PPP1R21: variants seen among roughly 807,000 people sequenced by gnomAD.
PPP1R21 encodes the protein protein phosphatase 1 regulatory subunit 21.
In PPP1R21, 85 loss-of-function variants were observed where a neutral mutation model predicts 112.8. The observed-to-expected ratio is 0.75, with a 90% CI of 0.63 to 0.90. PPP1R21 has a LOEUF of 0.90. PPP1R21 is among the 40% of genes least tolerant of loss of function. The pLI is 0.00. For missense variants in PPP1R21, 1,199 were observed against 901.5 expected, an observed-to-expected ratio of 1.33 and a Z score of -4.23; for synonymous variants, 381 against 322.3, an observed-to-expected ratio of 1.18 and a Z score of -1.95.
At chr2:48,465,043 C>A in intron 8 of PPP1R21, 54 bp downstream of exon 8, 1 of 1,397,696 alleles carries the variant, frequency 7.2e-7, no homozygotes, top group Non-Finnish European at 9.8e-7. Context: ...TCAGACTTTC[C>A]AGAAACAAGA....
At chr2:48,469,460 TATATAGAGC>T (rs1339894387) in intron 9 of PPP1R21, among the ~76,000 whole-genome samples, 7 of 40,270 alleles carry the variant, frequency 1.7e-4, no homozygotes, top group East Asian at 4.0e-4. Flanking sequence ...AGCATATATA[TATATAGAGC>T]ATATATATAT....
intron 1 of PPP1R21, among the ~76,000 whole-genome samples, chr2:48,446,997 C>T (rs1027537635): frequency 2.6e-5 from 4 of 152,114 alleles, no homozygotes; most frequent in Non-Finnish European, 4.4e-5. Context: ...GTGATCTGCC[C>T]GCCTCAGCCT....
chr2:48,465,191 C>T (rs1668146451), intron 8 of PPP1R21, among the ~76,000 whole-genome samples: 1 of 152,136 alleles, frequency 6.6e-6, no homozygotes, highest in Non-Finnish European at 1.5e-5. Context: ...TGCTATCTCC[C>T]TTGTCTGATA....
At chr2:48,462,130 A>C (rs775321969) in intron 7 of PPP1R21, among the ~76,000 whole-genome samples, 11 of 152,212 alleles carry the variant, frequency 7.2e-5, no homozygotes, top group Non-Finnish European at 1.6e-4. Flanking sequence ...ATTAGGTTTT[A>C]ATAATTTCCT....
intron 13 of PPP1R21, among the ~76,000 whole-genome samples, chr2:48,480,874 G>A (rs542545669): frequency 8.5e-5 from 13 of 152,272 alleles, no homozygotes; most frequent in African/African-American, 2.9e-4. Context: ...CATATATTGG[G>A]GGACCTAATC....
At chr2:48,468,455 G>C (rs1393058959) in intron 9 of PPP1R21, among the ~76,000 whole-genome samples, 1 of 152,130 alleles carries the variant, frequency 6.6e-6, no homozygotes, top group Non-Finnish European at 1.5e-5. Flanking sequence ...GATCTGGATA[G>C]GGAAGACAGT....
chr2:48,501,159 G>C (rs1670094634), intron 17 of PPP1R21, among the ~76,000 whole-genome samples: 1 of 152,240 alleles, frequency 6.6e-6, no homozygotes, highest in Non-Finnish European at 1.5e-5. Context: ...GAGGTAATGA[G>C]AGGGACATTC....
chr2:48,471,308 A>G lies in PPP1R21; in HGVS notation c.1029A>G (p.Ser343=), dbSNP rs754931791. ...CAACTGTGAAATTGAAAACTTTTTC[A>G]GAACACTTAACCTCCTACATATGTT... The part of the protein sequence containing the change: ...LETTVKLKTF[S]EHLTSYICFL... Residue 343 remains serine, a synonymous_variant, in exon 11 of 22, where the codon TCA becomes TCG. Transcript: ENST00000294952. The G allele has an allele frequency of 7.4e-6, 12 of 1,611,820 alleles. No individual in the cohort carries two copies. Among genetic ancestry groups the G allele is most frequent in the Admixed American group, 1.7e-5 (1 of 59,568 alleles).
chr2:48,460,677 A>G (rs114218654), intron 6 of PPP1R21, among the ~76,000 whole-genome samples: 339 of 152,346 alleles, frequency 2.2e-3, no homozygotes, highest in African/African-American at 8.0e-3. Flanking sequence ...CATCGTTAGA[A>G]TTACATGCAT....
chr2:48,495,444 C>T (rs930592092), intron 15 of PPP1R21, among the ~76,000 whole-genome samples: 10 of 152,064 alleles, frequency 6.6e-5, no homozygotes, highest in South Asian at 2.1e-4. Flanking sequence ...CCTTGTGATC[C>T]GCTCGCCTCG....
At chr2:48,452,345 C>T (rs1217240464) in intron 2 of PPP1R21, among the ~76,000 whole-genome samples, 1 of 152,036 alleles carries the variant, frequency 6.6e-6, no homozygotes, top group South Asian at 2.1e-4. Context: ...TCCATTATGT[C>T]CATTATCTTA....
At chr2:48,487,808 C>G (rs1248756642) in intron 14 of PPP1R21, among the ~76,000 whole-genome samples, 1 of 151,134 alleles carries the variant, frequency 6.6e-6, no homozygotes, top group Non-Finnish European at 1.5e-5. Flanking sequence ...ATTCCTGTTT[C>G]AGCAGAAGTT....
intron 14 of PPP1R21, among the ~76,000 whole-genome samples, chr2:48,490,058 A>G (rs758909441): frequency 9.2e-5 from 14 of 151,824 alleles, no homozygotes; most frequent in Non-Finnish European, 2.1e-4. Context: ...CAAACGAACA[A>G]AAATACAAAA....
intron 20 of PPP1R21, among the ~76,000 whole-genome samples, chr2:48,510,899 T>C (rs78619716): frequency 0.075 from 11,433 of 152,340 alleles, 606 homozygotes; most frequent in Non-Finnish European, 0.12. Flanking sequence ...AAAGAAATTA[T>C]GAATCTACTT....
At chr2:48,446,952 T>C (rs1339349614) in intron 1 of PPP1R21, among the ~76,000 whole-genome samples, 9 of 152,156 alleles carry the variant, frequency 5.9e-5, no homozygotes, top group Non-Finnish European at 8.8e-5. Flanking sequence ...GGTTTTGCCA[T>C]GTTGGCTAGG....
intron 21 of PPP1R21, among the ~76,000 whole-genome samples, chr2:48,513,943 G>A (rs536189551): frequency 2.0e-5 from 3 of 152,098 alleles, no homozygotes; most frequent in Non-Finnish European, 4.4e-5. Context: ...TTTGTTCTCA[G>A]CCAGTATCCA....
Position 48,458,165 on chromosome 2 carries a change from A to G in PPP1R21, c.313A>G (p.Lys105Glu). ...TTCTTCTCAGTTGAGTCAAGAGCAG[A>G]AGAGTGTCTTTGATGAAGATCTGCA... is the stretch of plus-strand genomic sequence containing the variant. ...ESSSQLSQEQ[K>E]SVFDEDLQKK... is the part of the protein sequence containing the mutation. The change falls in exon 4 of 22, where the codon AAG (lysine) becomes GAG (glutamate). Residue 105 changes from lysine to glutamate, a missense_variant. Transcript: ENST00000294952. 6 of 1,612,638 alleles carry G rather than the reference A, an allele frequency of 3.7e-6. No individual in the cohort carries two copies. The highest frequency in any genetic ancestry group is 5.1e-6 in the Non-Finnish European group (6 of 1,179,046).
At chr2:48,508,107 G>A (rs1670473504) in intron 19 of PPP1R21, among the ~76,000 whole-genome samples, 1 of 151,678 alleles carries the variant, frequency 6.6e-6, no homozygotes, top group Non-Finnish European at 1.5e-5. Context: ...ATTGCACTAT[G>A]CAGTATCATC....
At chr2:48,463,396 A>C (rs1434061893) in intron 7 of PPP1R21, among the ~76,000 whole-genome samples, 2 of 152,050 alleles carry the variant, frequency 1.3e-5, no homozygotes, top group Non-Finnish European at 2.9e-5. Flanking sequence ...TGGTGACTGG[A>C]TTTTGTGGCC....
Sources: gnomAD v4.1 joint callset for allele counts (sites outside exome capture counted in the v4.1 genomes callset) on GRCh38, gnomAD v4.1.1 for gene constraint, MANE v1.5 for transcripts, NCBI Gene and HGNC (gene_info 2026-07-23, HGNC 2026-07-21) for gene names.